The following NRF1 variants were observed in gnomAD, a reference collection of about 807,000 sequenced individuals.
NRF1 encodes the protein alpha palindromic-binding protein.
A neutral mutation model predicts 58.5 loss-of-function variants in NRF1; 5 were observed. That is an observed-to-expected ratio of 0.09 (90% CI 0.04 to 0.18). The LOEUF (loss-of-function observed/expected upper bound fraction) is 0.18. NRF1 is among the 10% of genes least tolerant of loss of function. The probability of loss-of-function intolerance (pLI) is 1.00; values close to 1 mark genes in which losing one functional copy is unlikely to be tolerated. For missense variants in NRF1, 288 were observed against 657.7 expected, an observed-to-expected ratio of 0.44 and a Z score of 6.15; for synonymous variants, 224 against 246.7, an observed-to-expected ratio of 0.91 and a Z score of 0.86.
chr7:129,626,885 AT>A (rs1800931498), intron 1 of NRF1, among the ~76,000 whole-genome samples: 1 of 152,232 alleles, frequency 6.6e-6, no homozygotes, highest in African/African-American at 2.4e-5. Flanking sequence ...AAAGTAACAA[AT>A]GTACATCTAA....
intron 2 of NRF1, among the ~76,000 whole-genome samples, chr7:129,663,927 C>G (rs1436341140): frequency 6.6e-6 from 1 of 152,178 alleles, no homozygotes; most frequent in Non-Finnish European, 1.5e-5. Context: ...GAGCTGGAGA[C>G]CAGTCCGGTC....
At chr7:129,683,288 A>T (rs373690554) in intron 4 of NRF1, among the ~76,000 whole-genome samples, 175 of 140,500 alleles carry the variant, frequency 1.2e-3, no homozygotes, top group African/African-American at 3.7e-3. Flanking sequence ...TCATGTGGAG[A>T]GTGTGTGTGT....
chr7:129,677,240 G>A (rs1584632145), intron 3 of NRF1, among the ~76,000 whole-genome samples: 1 of 151,890 alleles, frequency 6.6e-6, no homozygotes, highest in African/African-American at 2.4e-5. Flanking sequence ...TCTCGAACTC[G>A]TGGCCTCAAG....
At position 129,661,282 on chromosome 7, in the gene NRF1, C is replaced by T. The variant is rs550328864; in HGVS notation, c.223+3708C>T. ...TGACATGCCCTGGAGACATTTTTTC[C>T]ATTGTCTTGGGGATTAACATTCGTC... On this transcript the variant is annotated intron_variant, in intron 2 of 10. Transcript: ENST00000393232. 8.6e-5 allele frequency among the ~76,000 whole-genome samples: 13 copies of T among 151,428 alleles called. No homozygotes were observed. In the South Asian group the frequency reaches 2.1e-3, roughly 24 times the overall value.
At chr7:129,749,632 GAAGAA>G in intron 10 of NRF1, among the ~76,000 whole-genome samples, 1 of 152,164 alleles carries the variant, frequency 6.6e-6, no homozygotes, top group East Asian at 1.9e-4. Context: ...TGAAGCTTGA[GAAGAA>G]AAGCAGCAGG....
intron 1 of NRF1, among the ~76,000 whole-genome samples, chr7:129,618,539 T>A (rs1351262176): frequency 3.9e-5 from 6 of 152,216 alleles, no homozygotes; most frequent in African/African-American, 1.4e-4. Context: ...TACAAAAATT[T>A]AAAAAATTTG....
intron 3 of NRF1, among the ~76,000 whole-genome samples, chr7:129,675,266 C>G (rs138411509): frequency 1.0e-3 from 154 of 152,352 alleles, no homozygotes; most frequent in African/African-American, 3.1e-3. Flanking sequence ...TCCGCAGTTA[C>G]TTCCTCCACT....
intron 5 of NRF1, among the ~76,000 whole-genome samples, chr7:129,691,150 A>G (rs750975490): frequency 4.3e-4 from 65 of 152,084 alleles, no homozygotes; most frequent in South Asian, 1.0e-3. Context: ...CAGCCTCCCA[A>G]AGTGCTGGGA....
At chr7:129,725,405 G>A (rs957540396) in intron 9 of NRF1, among the ~76,000 whole-genome samples, 4 of 150,514 alleles carry the variant, frequency 2.7e-5, no homozygotes, top group South Asian at 2.1e-4. Context: ...TCGGCCCACT[G>A]CAATCTCCAC....
At chr7:129,743,041 G>A (rs1396806982) in intron 10 of NRF1, among the ~76,000 whole-genome samples, 1 of 151,946 alleles carries the variant, frequency 6.6e-6, no homozygotes, top group African/African-American at 2.4e-5. Flanking sequence ...TTGTTGGAAG[G>A]AAAAAATGAA....
intron 9 of NRF1, among the ~76,000 whole-genome samples, chr7:129,724,389 G>A (rs4731619): frequency 0.043 from 6,485 of 152,286 alleles, 167 homozygotes; most frequent in Middle Eastern, 0.12. Context: ...AACAAGTGTT[G>A]GTGAGGATGT....
At position 129,655,301 on chromosome 7, in the gene NRF1, T is replaced by C. The variant is rs182905068; in HGVS notation, c.-6-2045T>C. 1.1e-4 allele frequency among the ~76,000 whole-genome samples: 16 copies of C among 152,330 alleles called. No homozygotes were observed. In the East Asian group the frequency reaches 2.9e-3, roughly 28 times the overall value. On this transcript the variant is annotated intron_variant, in intron 1 of 10. Coordinates refer to ENST00000393232, the MANE Select transcript of NRF1 (RefSeq NM_005011.5). The stretch of plus-strand genomic sequence containing the variant: ...GGAAAACAACCTTGTCCCTGCAACC[T>C]TGCTGTAATTACTTACTAGTTCCAG...
intron 10 of NRF1, among the ~76,000 whole-genome samples, chr7:129,742,627 A>G (rs1295835804): frequency 6.6e-6 from 1 of 152,230 alleles, no homozygotes; most frequent in Non-Finnish European, 1.5e-5. Context: ...AATAAGGGAA[A>G]TACCAGAAAT....
At chr7:129,613,940 C>T (rs1584571609) in intron 1 of NRF1, among the ~76,000 whole-genome samples, 1 of 152,116 alleles carries the variant, frequency 6.6e-6, no homozygotes, top group South Asian at 2.1e-4. Context: ...AAAACAAAAA[C>T]TCTACTTAAT....
chr7:129,657,361 C>G lies in NRF1; in HGVS notation c.10C>G (p.His4Asp). MEE[H>D]GVTQTEHMAT... ...CTGACAGTAGAACTTCATGGAGGAA[C>G]ACGGAGTGACCCAAACCGAACATAT... is the stretch of plus-strand genomic sequence containing the variant. Residue 4 changes from histidine (H) to aspartate (D), a missense_variant, in exon 2 of 11, where the codon CAC (histidine) becomes GAC (aspartate). Physicochemically the swap from His to Asp is moderately conservative, Grantham distance 81. Coordinates refer to ENST00000393232, the MANE Select transcript of NRF1 (RefSeq NM_005011.5). 1 of 1,613,828 alleles carries G rather than the reference C, an allele frequency of 6.2e-7. No homozygotes were observed. The highest frequency in any genetic ancestry group is 1.3e-5 in the African/African-American group (1 of 75,018).
chr7:129,714,445 G>A (rs1803143161), intron 8 of NRF1, among the ~76,000 whole-genome samples: 1 of 152,224 alleles, frequency 6.6e-6, no homozygotes, highest in African/African-American at 2.4e-5. Flanking sequence ...TTCCCTAGCA[G>A]TAGGCAACAG....
At chr7:129,743,347 G>A (rs1473235493) in intron 10 of NRF1, among the ~76,000 whole-genome samples, 1 of 152,184 alleles carries the variant, frequency 6.6e-6, no homozygotes. Context: ...AAACAAGAGG[G>A]CATGTGAACA....
chr7:129,714,063 A>C (rs972598532), intron 8 of NRF1, among the ~76,000 whole-genome samples: 1 of 152,252 alleles, frequency 6.6e-6, no homozygotes, highest in Non-Finnish European at 1.5e-5. Flanking sequence ...CAAGAGCTCA[A>C]GTAAACACAG....
chr7:129,720,435 G>T (rs542707447), intron 9 of NRF1, among the ~76,000 whole-genome samples: 1 of 152,280 alleles, frequency 6.6e-6, no homozygotes, highest in South Asian at 2.1e-4. Context: ...TTTGCTGTTG[G>T]AAGTCATCTC....
Sources: allele counts gnomAD v4.1 joint callset (sites outside exome capture counted in the v4.1 genomes callset), GRCh38; gene constraint gnomAD v4.1.1; transcripts MANE v1.5; gene names NCBI Gene and HGNC (gene_info 2026-07-23, HGNC 2026-07-21).